MCM9: variants seen among roughly 807,000 people sequenced by gnomAD.
The protein encoded by MCM9 is minichromosome maintenance 9 homologous recombination repair factor.
MCM9 carries 55 observed loss-of-function variants against 72.8 expected under a neutral mutation model. That is an observed-to-expected ratio of 0.76 (90% CI 0.61 to 0.95). The LOEUF (loss-of-function observed/expected upper bound fraction) is 0.95, where lower values mean the gene tolerates loss of function less well. Ranked by LOEUF, MCM9 falls within the 40% of genes least tolerant of loss-of-function variation. The pLI, the probability that MCM9 is intolerant of heterozygous loss-of-function variation, is 0.00. For missense variants in MCM9, 1,279 were observed against 1,377.0 expected (o/e 0.93, Z 1.13); for synonymous variants, 480 against 503.4 (o/e 0.95, Z 0.62).
intron 9 of MCM9, among the ~76,000 whole-genome samples, chr6:118,850,651 T>C (rs879828916): frequency 6.6e-6 from 1 of 151,824 alleles, no homozygotes; most frequent in Non-Finnish European, 1.5e-5. Flanking sequence ...TTATTGTTGG[T>C]ATTTGTTGTC....
At chr6:118,929,889 T>A (rs1014592721) in intron 3 of MCM9, among the ~76,000 whole-genome samples, 7 of 152,164 alleles carry the variant, frequency 4.6e-5, no homozygotes, top group Admixed American at 2.6e-4. Context: ...GCATAATGAT[T>A]AATACTCTTC....
intron 9 of MCM9, among the ~76,000 whole-genome samples, chr6:118,838,161 T>TC (rs1460838370): frequency 1.4e-5 from 2 of 144,372 alleles, no homozygotes; most frequent in African/African-American, 5.0e-5. Flanking sequence ...TGAAAATTCT[T>TC]TTTTTTTTTT....
At chr6:118,853,261 T>A (rs1249153439) in intron 9 of MCM9, among the ~76,000 whole-genome samples, 1 of 152,222 alleles carries the variant, frequency 6.6e-6, no homozygotes, top group Non-Finnish European at 1.5e-5. Flanking sequence ...TCTGGACCTT[T>A]ATTCTCTTCC....
chr6:118,875,591 A>G (rs1487717932), intron 8 of MCM9, among the ~76,000 whole-genome samples: 1 of 151,784 alleles, frequency 6.6e-6, no homozygotes, highest in Admixed American at 6.6e-5. Flanking sequence ...AGCCATGTTC[A>G]TACCACTGCA....
At chr6:118,917,172 T>C (rs913608349) in intron 6 of MCM9, among the ~76,000 whole-genome samples, 1 of 152,200 alleles carries the variant, frequency 6.6e-6, no homozygotes, top group African/African-American at 2.4e-5. Context: ...GCCAAAATAG[T>C]GTAGAGTTAG....
At chr6:118,874,836 G>A (rs536025583) in intron 8 of MCM9, among the ~76,000 whole-genome samples, 20 of 152,318 alleles carry the variant, frequency 1.3e-4, no homozygotes, top group Non-Finnish European at 1.6e-4. Context: ...ACCATTGGCC[G>A]GGCACAGTGG....
intron 8 of MCM9, chr6:118,910,830 A>T (rs540528677): frequency 2.0e-6 from 2 of 985,324 alleles, no homozygotes; most frequent in South Asian, 9.4e-5. Context: ...CTTATACAGG[A>T]CCATTAATTG....
intron 8 of MCM9, among the ~76,000 whole-genome samples, chr6:118,885,112 G>A (rs865846098): frequency 4.6e-5 from 7 of 152,000 alleles, no homozygotes; most frequent in Non-Finnish European, 1.0e-4. Flanking sequence ...AGGAGAACGG[G>A]GTGAACCCGG....
intron 9 of MCM9, among the ~76,000 whole-genome samples, chr6:118,836,371 G>T (rs1774960517): frequency 6.6e-6 from 1 of 152,164 alleles, no homozygotes; most frequent in African/African-American, 2.4e-5. Flanking sequence ...AAAATGAGTT[G>T]GGGGGAGCCC....
At chr6:118,932,956 A>G (rs1425046629) in intron 1 of MCM9, among the ~76,000 whole-genome samples, 1 of 152,262 alleles carries the variant, frequency 6.6e-6, no homozygotes, top group Non-Finnish European at 1.5e-5. Flanking sequence ...TTACATATGT[A>G]TAAACCCAAT....
chr6:118,930,123 T>TTTTAG (rs1313433944), intron 3 of MCM9, among the ~76,000 whole-genome samples: 7 of 152,062 alleles, frequency 4.6e-5, no homozygotes, highest in Non-Finnish European at 1.0e-4. Flanking sequence ...TTTTATTTTA[T>TTTTAG]TTTTTGAGAC....
intron 13 of MCM9, among the ~76,000 whole-genome samples, chr6:118,823,708 T>C (rs1044679642): frequency 6.6e-6 from 1 of 152,166 alleles, no homozygotes; most frequent in African/African-American, 2.4e-5. Flanking sequence ...ATCCCTCTTC[T>C]ACGTGCTTAC....
intron 8 of MCM9, among the ~76,000 whole-genome samples, chr6:118,872,992 G>A (rs1222279371): frequency 6.6e-6 from 1 of 151,634 alleles, no homozygotes; most frequent in Non-Finnish European, 1.5e-5. Context: ...AACAAAGTGA[G>A]ACACCATCTC....
chr6:118,907,670 C>G, intron 8 of MCM9: 1 of 1,372,742 alleles, frequency 7.3e-7, no homozygotes, highest in Non-Finnish European at 1.0e-6. Flanking sequence ...AGAACTATTT[C>G]CCTGAAATTC....
intron 8 of MCM9, among the ~76,000 whole-genome samples, chr6:118,889,071 T>C (rs1403877743): frequency 1.3e-5 from 2 of 152,200 alleles, no homozygotes; most frequent in Admixed American, 6.5e-5. Flanking sequence ...GAATTACATG[T>C]TATGTGAATT....
intron 8 of MCM9, among the ~76,000 whole-genome samples, chr6:118,872,187 T>C (rs1777643887): frequency 6.6e-6 from 1 of 151,716 alleles, no homozygotes; most frequent in South Asian, 2.1e-4. Flanking sequence ...CGCGTGGTGG[T>C]GGGCGCCTGT....
At chr6:118,930,404 G>A (rs1056727630) in intron 3 of MCM9, among the ~76,000 whole-genome samples, 12 of 152,260 alleles carry the variant, frequency 7.9e-5, no homozygotes, top group Middle Eastern at 3.4e-3. Flanking sequence ...GAGCCACCGC[G>A]CCCGGCTGCT....
At chr6:118,896,789 A>G (rs1343652927) in intron 8 of MCM9, among the ~76,000 whole-genome samples, 2 of 152,024 alleles carry the variant, frequency 1.3e-5, no homozygotes, top group Non-Finnish European at 2.9e-5. Flanking sequence ...CCATACTTTT[A>G]TATTACAGTT....
Position 118,845,485 on chromosome 6 carries a change from T to C in MCM9, c.1325+10886A>G, listed in dbSNP as rs1157274512. Among the ~76,000 whole-genome samples the C allele has an allele frequency of 5.9e-5, 9 of 151,932 alleles. 2 individuals are homozygous for C. The highest frequency in any genetic ancestry group is 1.9e-4 in the African/African-American group (8 of 41,242). On this transcript the variant is annotated intron_variant, in intron 9 of 13. Transcript: ENST00000619706. ...GTAATTCTGTCTATGCCCAGTGTAT[T>C]TTTGCAGTCACTAAAAAAGCGGGGA...
Sources: gnomAD v4.1 joint callset for allele counts (sites outside exome capture counted in the v4.1 genomes callset) on GRCh38, gnomAD v4.1.1 for gene constraint, MANE v1.5 for transcripts, NCBI Gene and HGNC (gene_info 2026-07-23, HGNC 2026-07-21) for gene names.